PTPRN2: variants seen among roughly 807,000 people sequenced by gnomAD.
The protein encoded by PTPRN2 is protein tyrosine phosphatase receptor type N2, also known as receptor-type tyrosine-protein phosphatase N2.
A neutral mutation model predicts 118.8 loss-of-function variants in PTPRN2; 74 were observed. The observed-to-expected ratio is 0.62, with a 90% CI of 0.52 to 0.76. The LOEUF is 0.76. Among genes scored for constraint, PTPRN2 ranks in the 30% least tolerant of loss-of-function variants. The pLI, the probability that PTPRN2 is intolerant of heterozygous loss-of-function variation, is 0.00. For missense variants in PTPRN2, 1,481 were observed against 1,394.4 expected, an observed-to-expected ratio of 1.06 and a Z score of -0.99; for synonymous variants, 641 against 608.0, an observed-to-expected ratio of 1.05 and a Z score of -0.80.
chr7:158,102,937 C>T (rs571836643), intron 10 of PTPRN2, among the ~76,000 whole-genome samples: 4 of 152,258 alleles, frequency 2.6e-5, no homozygotes, highest in South Asian at 2.1e-4. Context: ...TGCTCCTCAG[C>T]GGCATCAGAG....
At chr7:157,678,998 C>T (rs1193485464) in intron 13 of PTPRN2, among the ~76,000 whole-genome samples, 1 of 151,738 alleles carries the variant, frequency 6.6e-6, no homozygotes, top group Non-Finnish European at 1.5e-5. Flanking sequence ...AATAGGACAC[C>T]TACATGAAAA....
At chr7:158,233,146 C>A (rs1198676504) in intron 3 of PTPRN2, among the ~76,000 whole-genome samples, 2 of 152,148 alleles carry the variant, frequency 1.3e-5, no homozygotes, top group South Asian at 2.1e-4. Flanking sequence ...GCCTTATTTG[C>A]AGACATCATG....
At chr7:158,247,679 C>A (rs946047014) in intron 3 of PTPRN2, among the ~76,000 whole-genome samples, 1 of 152,154 alleles carries the variant, frequency 6.6e-6, no homozygotes, top group Non-Finnish European at 1.5e-5. Flanking sequence ...TGCTATGGTG[C>A]GATCTTGGCT....
chr7:158,118,465 A>G (rs1252546811), intron 9 of PTPRN2, among the ~76,000 whole-genome samples: 4 of 152,220 alleles, frequency 2.6e-5, no homozygotes, highest in Non-Finnish European at 1.5e-5. Context: ...ACAAAAGAAG[A>G]TAGTAATGCA....
intron 11 of PTPRN2, among the ~76,000 whole-genome samples, chr7:158,072,158 A>AT (rs1811990291): frequency 6.6e-6 from 1 of 150,768 alleles, no homozygotes; most frequent in East Asian, 1.9e-4. Context: ...ATTCAGTTGA[A>AT]CCTTTTGGTT....
chr7:158,555,803 AG>A lies in PTPRN2; in HGVS notation c.112+31754del, dbSNP rs1826943394. Among the ~76,000 whole-genome samples, 1 of 152,180 alleles carries A rather than the reference AG, an allele frequency of 6.6e-6. No individual in the cohort carries two copies. The highest frequency in any genetic ancestry group is 2.4e-5 in the African/African-American group (1 of 41,438). ...TCTACATGGGGCAGACCACAGAGAC[AG>A]GCTCCAGCAAGCTCAGGATGATGAA... On this transcript the variant is annotated intron_variant, in intron 1 of 22. Transcript: ENST00000389418. The surrounding 1 kb of genome is among the most constrained non-coding windows in gnomAD (Gnocchi z 4.7).
At chr7:157,925,405 GA>G (rs1798922405) in intron 11 of PTPRN2, among the ~76,000 whole-genome samples, 1 of 152,264 alleles carries the variant, frequency 6.6e-6, no homozygotes, top group East Asian at 1.9e-4. Context: ...ATCCCCTCCA[GA>G]ATCTTCCAGA....
At chr7:157,684,725 TC>T (rs979067080) in intron 12 of PTPRN2, among the ~76,000 whole-genome samples, 1 of 149,654 alleles carries the variant, frequency 6.7e-6, no homozygotes, top group Non-Finnish European at 1.5e-5. Context: ...TCCCCGCCCC[TC>T]CCCGGGCACA....
At chr7:157,921,278 A>G (rs1199161297) in intron 11 of PTPRN2, among the ~76,000 whole-genome samples, 3 of 152,198 alleles carry the variant, frequency 2.0e-5, no homozygotes, top group Non-Finnish European at 4.4e-5. Flanking sequence ...GGAAAAGAAC[A>G]AAGGATGGAG....
At chr7:158,007,292 G>C (rs1292731734) in intron 11 of PTPRN2, among the ~76,000 whole-genome samples, 1 of 152,238 alleles carries the variant, frequency 6.6e-6, no homozygotes, top group Non-Finnish European at 1.5e-5. Context: ...GCAGTGCGGG[G>C]TGTGGCTGGT....
At chr7:158,405,194 G>T (rs1460854097) in intron 2 of PTPRN2, among the ~76,000 whole-genome samples, 2 of 152,148 alleles carry the variant, frequency 1.3e-5, no homozygotes, top group Admixed American at 1.3e-4. Context: ...GATGCCTGGA[G>T]TCCACATCCT....
At chr7:158,270,378 C>T (rs542456445) in intron 3 of PTPRN2, among the ~76,000 whole-genome samples, 314 of 152,196 alleles carry the variant, frequency 2.1e-3, no homozygotes, top group Non-Finnish European at 3.3e-3. Context: ...GGGGTGAGGA[C>T]GCCTCCTTGG....
intron 2 of PTPRN2, among the ~76,000 whole-genome samples, chr7:158,469,371 G>T (rs970921178): frequency 6.6e-6 from 1 of 152,146 alleles, no homozygotes; most frequent in Non-Finnish European, 1.5e-5. Context: ...AACCCCAGGA[G>T]GGGGAGGTTG....
At chr7:157,607,566 T>C (rs1802080823) in intron 15 of PTPRN2, among the ~76,000 whole-genome samples, 1 of 152,170 alleles carries the variant, frequency 6.6e-6, no homozygotes, top group Admixed American at 6.5e-5. Context: ...CTTGGTCTCG[T>C]GCTTTGATGG....
At position 158,003,966 on chromosome 7, in the gene PTPRN2, G is replaced by A. The variant is rs1276198947; in HGVS notation, c.1723+77332C>T. ...ACTGTCATAGCAGTATAGGAAACGT[G>A]TCAGCACCTTGGGAGCCTGGCCAGT... On this transcript the variant is annotated intron_variant, in intron 11 of 22. Coordinates refer to ENST00000389418, the MANE Select transcript of PTPRN2 (RefSeq NM_002847.5). This position sits in a 1 kb window ranked among gnomAD's most constrained non-coding sequence, Gnocchi z 5.0. Among the ~76,000 whole-genome samples, 1 of 152,186 alleles carries A rather than the reference G, an allele frequency of 6.6e-6. No individual in the cohort carries two copies. The highest frequency in any genetic ancestry group is 1.9e-4 in the East Asian group (1 of 5,192).
rs192841285 is a variant in PTPRN2, at chr7:158,555,388, G to A, written c.112+32170C>T. 1.5e-3 allele frequency among the ~76,000 whole-genome samples: 234 copies of A among 152,194 alleles called. 1 individual carries two copies. The highest frequency in any genetic ancestry group is 1.6e-3 in the Admixed American group (25 of 15,294). ...TCTCCCTTCACAAGCAGCATCCACG[G>A]CTCAGTGGTGCCCCTCGCCCCCACC... is the stretch of plus-strand genomic sequence containing the variant. On this transcript the variant is annotated intron_variant, in intron 1 of 22. Transcript: ENST00000389418. The surrounding 1 kb of genome is among the most constrained non-coding windows in gnomAD (Gnocchi z 4.7).
At chr7:158,071,535 ATGATGGAGGTGCTCCTGG>A (rs1811666665) in intron 11 of PTPRN2, among the ~76,000 whole-genome samples, 1 of 53,412 alleles carries the variant, frequency 1.9e-5, no homozygotes, top group African/African-American at 9.2e-5. Flanking sequence ...GATGCTCGTG[ATGATGGAGGTGCTCCTGG>A]TGGTGGAGGT....
In PTPRN2 at chr7:158,404,935, G is replaced by GCCCCAGCT. The variant is rs1206389064; in HGVS notation, c.163+84792_163+84799dup. On this transcript the variant is annotated intron_variant, in intron 2 of 22. Transcript: ENST00000389418. ...CAGCTCCCTGGCTCCCAGCTCCCCG[G>GCCCCAGCT]CCCCAGCTCCCCAGCTCCCAGCTCC... 5.1e-5 allele frequency among the ~76,000 whole-genome samples: 6 copies of GCCCCAGCT among 118,118 alleles called. No homozygotes were observed. The East Asian group carries it at 1.0e-3, about 20-fold the overall frequency. The allele number at this position is 118,118 out of a possible 152,430, so 77.5% of individuals were successfully genotyped here. A position where few individuals can be genotyped will look rare whatever the true frequency, so the allele number is the denominator to read the frequency against.
chr7:157,816,243 G>A (rs571659646), intron 12 of PTPRN2, among the ~76,000 whole-genome samples: 1 of 152,282 alleles, frequency 6.6e-6, no homozygotes, highest in South Asian at 2.1e-4. Context: ...GCTGCCCCGT[G>A]CCTGCCCCGC....
Sources: allele counts gnomAD v4.1 joint callset (sites outside exome capture counted in the v4.1 genomes callset), GRCh38; gene constraint gnomAD v4.1.1; non-coding constraint Gnocchi (gnomAD v3.1); transcripts MANE v1.5; gene names NCBI Gene and HGNC (gene_info 2026-07-23, HGNC 2026-07-21).